The following DST variants were observed in gnomAD, a reference collection of about 807,000 sequenced individuals.
DST encodes the protein bullous pemphigoid antigen.
DST carries 253 observed loss-of-function variants against 875.2 expected under a neutral mutation model. The ratio of observed to expected loss-of-function variants is 0.29; its 90% CI spans 0.26 to 0.32. DST has a LOEUF of 0.32. DST is among the 10% of genes least tolerant of loss of function. DST has a pLI of 1.00. For synonymous variants in DST, 3,124 were observed against 3,197.1 expected (o/e 0.98, Z 0.77); for missense variants, 8,287 against 9,111.6 (o/e 0.91, Z 3.68).
rs375501871 is a variant in DST at position 56,560,284 on chromosome 6, C to T, written c.14440+10G>A. On this transcript the variant is annotated intron_variant, in intron 58 of 103. Transcript: ENST00000680361. ...TCTTCATAGGCATTCATCTAAGTAA[C>T]GCAACATACCTATTTCTGTCAACAT... The T allele has an allele frequency of 1.7e-4, 272 of 1,585,742 alleles. No individual in the cohort carries two copies. Among genetic ancestry groups the T allele is most frequent in the Non-Finnish European group, 2.2e-4 (251 of 1,165,620 alleles).
intron 3 of DST, among the ~76,000 whole-genome samples, chr6:56,881,439 CT>C (rs1322723874): frequency 6.6e-6 from 1 of 152,106 alleles, no homozygotes; most frequent in Non-Finnish European, 1.5e-5. Context: ...TGCCATTACA[CT>C]CCGGCCTGGG....
intron 2 of DST, among the ~76,000 whole-genome samples, chr6:56,916,772 T>A (rs1222488310): frequency 1.5e-4 from 15 of 100,616 alleles, no homozygotes; most frequent in African/African-American, 6.2e-4. Context: ...TCTCTCTCTC[T>A]CTCTCTCACA....
intron 4 of DST, among the ~76,000 whole-genome samples, chr6:56,785,127 TCTGCCCCTACTGGGGGGTG>T (rs1441195794): frequency 6.6e-6 from 1 of 152,218 alleles, no homozygotes; most frequent in Non-Finnish European, 1.5e-5. Context: ...GAGGTGTCAG[TCTGCCCCTACTGGGGGGTG>T]CCTCCCAGTT....
At chr6:56,576,100 A>G (rs1312694172) in intron 50 of DST, among the ~76,000 whole-genome samples, 1 of 152,150 alleles carries the variant, frequency 6.6e-6, no homozygotes, top group Non-Finnish European at 1.5e-5. Context: ...ATGCTTATGT[A>G]ATGAAGCTGC....
intron 27 of DST, among the ~76,000 whole-genome samples, 168 bp from the exon 28 acceptor site, chr6:56,633,205 G>GT (rs1353978768): frequency 2.1e-5 from 3 of 143,656 alleles, no homozygotes; most frequent in Non-Finnish European, 4.5e-5. Flanking sequence ...GTTTTTTTTT[G>GT]TTTTTTGTTT....
chr6:56,560,741 T>C (rs2097525446), intron 57 of DST, among the ~76,000 whole-genome samples: 1 of 152,150 alleles, frequency 6.6e-6, no homozygotes, highest in South Asian at 2.1e-4. Context: ...AGTAAAATTA[T>C]AATAAATAAG....
At chr6:56,567,753 C>G (rs1003433013) in intron 55 of DST, among the ~76,000 whole-genome samples, 1 of 152,092 alleles carries the variant, frequency 6.6e-6, no homozygotes. Context: ...AGATACCCCA[C>G]AGAGGATACT....
In DST at chr6:56,839,316, C is replaced by T. The variant is rs545425794; in HGVS notation, c.625+12081G>A. Among the ~76,000 whole-genome samples the T allele has an allele frequency of 3.3e-5, 5 of 152,280 alleles. No individual in the cohort carries two copies. The South Asian group carries it at 1.0e-3, about 32-fold the overall frequency. ...TCAGTACCTAAGAAAAAGAAAACAC[C>T]TATTTGGCTAAGCAGTATCATTTGT... On this transcript the variant is annotated intron_variant, in intron 4 of 103. Coordinates refer to ENST00000680361, the MANE Select transcript of DST (RefSeq NM_001374736.1).
At chr6:56,611,673 A>G in intron 37 of DST, 77 bp from the exon 38 acceptor site, 1 of 1,072,612 alleles carries the variant, frequency 9.3e-7, no homozygotes, top group Non-Finnish European at 1.4e-6. Context: ...AAAAGAAATT[A>G]ATCAAGCTTT....
Position 56,572,226 on chromosome 6 carries a change from TC to T in DST, c.13594del (p.Glu4532LysfsTer7). ...SEFLEHKKHLEVLHSLLKEIS... is the reference protein window; with the variant it reads ...SEFLEHKKHLXVLHSLLKEIS... The stretch of plus-strand genomic sequence containing the variant: ...CTCCTTCAAGAGACTATGCAAAACT[TC>T]AAGATGTTTCTTGTGTTCTAAAAAT... On this transcript the variant is annotated frameshift_variant, in exon 53 of 104. Transcript: ENST00000680361. LOFTEE classifies it high-confidence loss of function. 1 of 1,576,056 alleles carries T rather than the reference TC, an allele frequency of 6.3e-7. No individual in the cohort carries two copies. Among genetic ancestry groups the T allele is most frequent in the Non-Finnish European group, 8.6e-7 (1 of 1,160,206 alleles).
At chr6:56,583,357 C>T (rs1379924491) in intron 49 of DST, among the ~76,000 whole-genome samples, 2 of 152,254 alleles carry the variant, frequency 1.3e-5, no homozygotes, top group Admixed American at 6.5e-5. Flanking sequence ...TGATGATGAG[C>T]GTTTTTTCAT....
intron 10 of DST, among the ~76,000 whole-genome samples, chr6:56,667,083 A>C (rs1210571549): frequency 1.3e-5 from 2 of 152,090 alleles, no homozygotes; most frequent in Non-Finnish European, 2.9e-5. Flanking sequence ...CTAATTTTTA[A>C]ATTTTTTGTA....
Position 56,680,767 on chromosome 6 carries a change from G to A in DST, c.1048-9960C>T, listed in dbSNP as rs569800928. ...TCCCTGGATCATCTCTACCACAATG[G>A]CTTTAACTGCCACCTTGACAGGGTT... On this transcript the variant is annotated intron_variant, in intron 9 of 103. Coordinates refer to ENST00000680361, the MANE Select transcript of DST (RefSeq NM_001374736.1). Among the ~76,000 whole-genome samples the A allele has an allele frequency of 5.3e-5, 8 of 152,090 alleles. No individual in the cohort carries two copies. The South Asian group carries it at 1.7e-3, about 32-fold the overall frequency.
intron 3 of DST, among the ~76,000 whole-genome samples, chr6:56,869,526 A>G (rs1478063109): frequency 1.3e-5 from 2 of 152,156 alleles, no homozygotes; most frequent in East Asian, 1.9e-4. Flanking sequence ...TAGGAAAACC[A>G]AAGAAAAATA....
intron 2 of DST, among the ~76,000 whole-genome samples, chr6:56,917,090 TAC>T (rs1205659706): frequency 1.4e-5 from 2 of 143,034 alleles, no homozygotes; most frequent in Admixed American, 7.1e-5. Context: ...CCACTGAGGA[TAC>T]ACACAGCAGA....
At chr6:56,612,711 T>C (rs923328126) in intron 37 of DST, among the ~76,000 whole-genome samples, 2 of 152,226 alleles carry the variant, frequency 1.3e-5, no homozygotes, top group African/African-American at 4.8e-5. Context: ...GACATACTTA[T>C]ATTAACTAAA....
chr6:56,570,449 T>A (rs1357238457), intron 53 of DST, among the ~76,000 whole-genome samples: 3 of 152,128 alleles, frequency 2.0e-5, no homozygotes, highest in Non-Finnish European at 4.4e-5. Flanking sequence ...TAGATTCTCA[T>A]AAGGAGCATG....
rs373459911 is a variant in DST at position 56,606,964 on chromosome 6, T to C, written c.7664A>G (p.Glu2555Gly). 3.0e-5 allele frequency: 48 copies of C among 1,613,396 alleles called. No individual in the cohort carries two copies. The highest frequency in any genetic ancestry group is 3.8e-5 in the Non-Finnish European group (45 of 1,179,636). The change falls in exon 40 of 104, where the codon GAA becomes GGA. Residue 2555 changes from glutamate to glycine, a missense_variant. Around this residue, in one of 10 missense-constraint regions of DST, gnomAD observed 3,138 missense variants for 3,116.6 expected, o/e 1.01. Transcript: ENST00000680361. Reference protein sequence around the residue: ...PEDKEDESEIEEYSCAVTPGG... With the variant: ...PEDKEDESEIGEYSCAVTPGG... ...TGGAGTCACAGCACAGGAATACTCT[T>C]CTATTTCAGACTCATCTTCCTTGTC...
rs763558851 is a variant in DST at position 56,639,973 on chromosome 6, T to C, written c.2575A>G (p.Ile859Val). 39 of 1,613,412 alleles carry C rather than the reference T, an allele frequency of 2.4e-5. No homozygotes were observed. The highest frequency in any genetic ancestry group is 6.7e-5 in the African/African-American group (5 of 74,914). The change falls in exon 19 of 104, where the codon ATT becomes GTT. Residue 859 changes from isoleucine to valine, a missense_variant. By Grantham distance (29) the Ile-to-Val change is conservative (BLOSUM62 3). Coordinates refer to ENST00000680361, the MANE Select transcript of DST (RefSeq NM_001374736.1). ...LENHKNVHRA[I>V]EEFESSLKEA... ...TTGAGACTAGATTCAAATTCTTCAA[T>C]AGCTCTATGAACATTTTTATGATTT...
Sources: allele counts gnomAD v4.1 joint callset (sites outside exome capture counted in the v4.1 genomes callset), GRCh38; gene constraint gnomAD v4.1.1; regional missense constraint gnomAD v4.1.1; transcripts MANE v1.5; gene names NCBI Gene and HGNC (gene_info 2026-07-23, HGNC 2026-07-21).